MGMT: variants seen among roughly 807,000 people sequenced by gnomAD.
MGMT encodes the protein O-6-methylguanine-DNA methyltransferase, also known as methylated-DNA--protein-cysteine methyltransferase.
MGMT carries 14 observed loss-of-function variants against 15.9 expected under a neutral mutation model. The observed-to-expected ratio is 0.88, with a 90% CI of 0.58 to 1.37. The LOEUF is 1.37. Among genes scored for constraint, MGMT ranks in the 40% most tolerant of loss-of-function variants. MGMT has a pLI of 0.00. For missense variants in MGMT, 282 were observed against 268.1 expected (o/e 1.05, Z -0.36); for synonymous variants, 130 against 118.2 (o/e 1.10, Z -0.65).
At chr10:129,578,072 A>T (rs189572101) in intron 2 of MGMT, among the ~76,000 whole-genome samples, 5,677 of 152,226 alleles carry the variant, frequency 0.037, 137 homozygotes, top group South Asian at 0.063. Flanking sequence ...GGAACACTTT[A>T]ATACTGTTGG....
Position 129,467,269 on chromosome 10 carries a change from C to G in MGMT, c.-40C>G. On this transcript the variant is annotated 5_prime_UTR_variant, in exon 1 of 5. Coordinates refer to ENST00000651593, the MANE Select transcript of MGMT (RefSeq NM_002412.5). Reference sequence around the variant, plus strand: ...GCTTTGCGTCCCGACGCCCGCAGGTCCTCGCGGTGCGCACCGTTTGCGACT... The same window carrying G: ...GCTTTGCGTCCCGACGCCCGCAGGTGCTCGCGGTGCGCACCGTTTGCGACT... The G allele has an allele frequency of 1.3e-6, 2 of 1,544,038 alleles. No individual in the cohort carries two copies. Among genetic ancestry groups the G allele is most frequent in the Non-Finnish European group, 1.7e-6 (2 of 1,145,412 alleles).
chr10:129,664,885 A>G (rs1261893949), intron 2 of MGMT, among the ~76,000 whole-genome samples: 2 of 152,118 alleles, frequency 1.3e-5, no homozygotes, highest in Non-Finnish European at 2.9e-5. Context: ...GAAAACTAAA[A>G]CCACAAGGAG....
intron 2 of MGMT, among the ~76,000 whole-genome samples, chr10:129,550,146 G>C (rs1459929510): frequency 1.3e-5 from 2 of 152,178 alleles, no homozygotes; most frequent in Non-Finnish European, 2.9e-5. Context: ...ATTTGTGAAC[G>C]TACAGTTGAG....
intron 4 of MGMT, among the ~76,000 whole-genome samples, chr10:129,762,156 G>A (rs1395184468): frequency 2.0e-5 from 3 of 152,216 alleles, no homozygotes; most frequent in Non-Finnish European, 4.4e-5. Context: ...CCGGAAGGCT[G>A]CGCACATCCA....
At chr10:129,561,151 T>G (rs117500103) in intron 2 of MGMT, among the ~76,000 whole-genome samples, 4,944 of 152,272 alleles carry the variant, frequency 0.032, 132 homozygotes, top group South Asian at 0.065. Context: ...GGAATGTCTT[T>G]CACCGTGATT....
chr10:129,560,822 C>T (rs1235119470), intron 2 of MGMT, among the ~76,000 whole-genome samples: 4 of 142,632 alleles, frequency 2.8e-5, no homozygotes, highest in East Asian at 3.9e-4. Context: ...TCTGGATTTT[C>T]TTTGTCTCTG....
At chr10:129,554,370 T>G (rs573935213) in intron 2 of MGMT, among the ~76,000 whole-genome samples, 1 of 152,368 alleles carries the variant, frequency 6.6e-6, no homozygotes, top group Non-Finnish European at 1.5e-5. Context: ...AAATCAGTTT[T>G]GAATTCTACT....
At chr10:129,484,815 G>T (rs1845392524) in intron 1 of MGMT, among the ~76,000 whole-genome samples, 1 of 152,052 alleles carries the variant, frequency 6.6e-6, no homozygotes, top group African/African-American at 2.4e-5. Flanking sequence ...AAAAGGTTTT[G>T]TTAGGGCAGG....
At chr10:129,646,766 T>A (rs1847399993) in intron 2 of MGMT, among the ~76,000 whole-genome samples, 1 of 112,620 alleles carries the variant, frequency 8.9e-6, no homozygotes, top group Non-Finnish European at 2.0e-5. Context: ...TTTCAGGGAA[T>A]GGTAGAGAAC....
chr10:129,474,184 C>T (rs867877854), intron 1 of MGMT, among the ~76,000 whole-genome samples: 3 of 152,190 alleles, frequency 2.0e-5, no homozygotes, highest in Admixed American at 6.5e-5. Flanking sequence ...CCAGGGCCTG[C>T]GGAGCCCAAA....
intron 3 of MGMT, among the ~76,000 whole-genome samples, chr10:129,746,832 T>C (rs1252406821): frequency 6.6e-6 from 1 of 152,322 alleles, no homozygotes; most frequent in East Asian, 1.9e-4. Flanking sequence ...CCTTTGCCCT[T>C]TCATCTAAAT....
chr10:129,719,777 A>G (rs1564773324), intron 3 of MGMT, among the ~76,000 whole-genome samples: 1 of 152,202 alleles, frequency 6.6e-6, no homozygotes, highest in Non-Finnish European at 1.5e-5. Flanking sequence ...TTGGCAGAAC[A>G]TAGTTTAGCC....
intron 1 of MGMT, among the ~76,000 whole-genome samples, chr10:129,535,727 C>T (rs767228773): frequency 2.6e-5 from 4 of 152,246 alleles, no homozygotes; most frequent in Non-Finnish European, 4.4e-5. Flanking sequence ...TGCTCATCCT[C>T]TCCGGGCTGG....
At chr10:129,517,123 G>A (rs1466891901) in intron 1 of MGMT, among the ~76,000 whole-genome samples, 2 of 152,172 alleles carry the variant, frequency 1.3e-5, no homozygotes, top group Non-Finnish European at 2.9e-5. Context: ...GAAGGCCTTA[G>A]GGACACCTTA....
rs1589874268 is a variant in MGMT, at chr10:129,574,625, G to A, written c.125+38248G>A. 2.0e-5 allele frequency among the ~76,000 whole-genome samples: 3 copies of A among 152,032 alleles called. No homozygotes were observed. In the South Asian group the frequency reaches 6.2e-4, roughly 32 times the overall value. ...TTCAATATTAGCTCTGCCACCCCTC[G>A]AGCTGTGTCACCAGAAGTAGGTTGT... On this transcript the variant is annotated intron_variant, in intron 2 of 4. Coordinates refer to ENST00000651593, the MANE Select transcript of MGMT (RefSeq NM_002412.5).
intron 2 of MGMT, among the ~76,000 whole-genome samples, chr10:129,625,353 G>C (rs1483473756): frequency 6.6e-6 from 1 of 152,132 alleles, no homozygotes; most frequent in East Asian, 1.9e-4. Context: ...ATAATTCCTA[G>C]CTTGTTTCAT....
chr10:129,693,994 C>G (rs184128907), intron 2 of MGMT: 1 of 152,370 alleles, frequency 6.6e-6, no homozygotes, highest in East Asian at 1.9e-4. Flanking sequence ...GGCCTGAGGC[C>G]CACAGTCTGT....
At position 129,510,372 on chromosome 10, in the gene MGMT, C is replaced by T. The variant is rs542769253; in HGVS notation, c.-12-25869C>T. On this transcript the variant is annotated intron_variant, in intron 1 of 4. Transcript: ENST00000651593. ...AGAGGACTGAATCGGTGCAGAGCCA[C>T]ACCTGGTGGTGGGAGCACGTTGAGG... is the stretch of plus-strand genomic sequence containing the variant. Among the ~76,000 whole-genome samples the T allele has an allele frequency of 3.3e-5, 5 of 152,258 alleles. No homozygotes were observed. The South Asian group carries it at 1.0e-3, about 32-fold the overall frequency.
chr10:129,559,916 G>A lies in MGMT; in HGVS notation c.125+23539G>A, dbSNP rs542958319. 5.3e-5 allele frequency among the ~76,000 whole-genome samples: 8 copies of A among 152,284 alleles called. No individual in the cohort carries two copies. The South Asian group carries it at 8.3e-4, about 16-fold the overall frequency. ...ATGCTGCAGAAATGGACAAATGCAG[G>A]TGCTGTTCCTTGGATGGTCAGCATG... is the stretch of plus-strand genomic sequence containing the variant. On this transcript the variant is annotated intron_variant, in intron 2 of 4. Coordinates refer to ENST00000651593, the MANE Select transcript of MGMT (RefSeq NM_002412.5).
Sources: gnomAD v4.1 joint callset for allele counts (sites outside exome capture counted in the v4.1 genomes callset) on GRCh38, gnomAD v4.1.1 for gene constraint, MANE v1.5 for transcripts, NCBI Gene and HGNC (gene_info 2026-07-23, HGNC 2026-07-21) for gene names.